HBP1: variants seen among roughly 807,000 people sequenced by gnomAD.
HBP1 encodes the protein HMG box-containing protein 1.
HBP1 carries 20 observed loss-of-function variants against 62.6 expected under a neutral mutation model. The observed-to-expected ratio is 0.32, with a 90% CI of 0.22 to 0.46. HBP1 has a LOEUF of 0.46. HBP1 is among the 20% of genes least tolerant of loss of function. The pLI is 1.00. For synonymous variants in HBP1, 232 were observed against 206.2 expected, an observed-to-expected ratio of 1.12 and a Z score of -1.07; for missense variants, 480 against 611.8, an observed-to-expected ratio of 0.78 and a Z score of 2.27.
intron 6 of HBP1, 91 bp downstream of exon 6, chr7:107,186,772 T>C: frequency 2.7e-6 from 2 of 748,716 alleles, no homozygotes; most frequent in Admixed American, 4.7e-5. Context: ...CCATTCACTT[T>C]GATATTTAAA....
intron 9 of HBP1, chr7:107,197,032 T>C (rs537013170): frequency 6.6e-6 from 1 of 152,330 alleles, no homozygotes; most frequent in African/African-American, 2.4e-5. Context: ...AACTGGCAAT[T>C]TGTAGCAAGC....
In HBP1 at chr7:107,202,229, GTCA is replaced by G. The variant is rs1374462186; in HGVS notation, c.*803_*805del. 8.0e-5 allele frequency: 12 copies of G among 149,596 alleles called. No homozygotes were observed. Among genetic ancestry groups the G allele is most frequent in the African/African-American group, 2.7e-4 (11 of 41,340 alleles). 9.3% of individuals were successfully genotyped at this position (149,596 alleles called of 1,614,324 possible). A position where few individuals can be genotyped will look rare whatever the true frequency, so the allele number is the denominator to read the frequency against. ...CAGCCATGTATCTTAAATATATTTT[GTCA>G]TCATAATCTTTATGGTGGGGGCAGA... On this transcript the variant is annotated 3_prime_UTR_variant, in exon 11 of 11. Transcript: ENST00000222574.
chr7:107,189,943 T>C (rs1797568914), intron 7 of HBP1: 1 of 382,930 alleles, frequency 2.6e-6, no homozygotes, highest in African/African-American at 2.1e-5. Context: ...ATAGAGGAGC[T>C]CTATATATAA....
chr7:107,172,691 T>A (rs1289044193), intron 1 of HBP1, among the ~76,000 whole-genome samples: 1 of 152,200 alleles, frequency 6.6e-6, no homozygotes, highest in Non-Finnish European at 1.5e-5. Flanking sequence ...GTCTGTGGGA[T>A]GTAATATCTT....
At position 107,201,579 on chromosome 7, in the gene HBP1, T is replaced by C; in HGVS notation, c.*148T>C. The C allele has an allele frequency of 4.3e-6, 2 of 466,662 alleles. No individual in the cohort carries two copies. The highest frequency in any genetic ancestry group is 7.9e-6 in the Non-Finnish European group (2 of 253,546). The allele number at this position is 466,662 out of a possible 1,614,324, so 28.9% of individuals were successfully genotyped here. A position where few individuals can be genotyped will look rare whatever the true frequency, so the allele number is the denominator to read the frequency against. ...ATTGAGTCTTGAAATGATTTAATAA[T>C]ATGAGTGAGGATTTGCTTTCTCCAT... On this transcript the variant is annotated 3_prime_UTR_variant, in exon 11 of 11. Coordinates refer to ENST00000222574, the MANE Select transcript of HBP1 (RefSeq NM_012257.4).
chr7:107,201,380 T>TAAAC (rs748994897), intron 10 of HBP1, 34 bp from the exon 11 acceptor site: 14 of 1,436,480 alleles, frequency 9.7e-6, no homozygotes, highest in Non-Finnish European at 1.3e-5. Flanking sequence ...TATTGATTTG[T>TAAAC]AAACATTCAC....
chr7:107,183,382 T>C (rs546820673), intron 3 of HBP1, among the ~76,000 whole-genome samples: 6 of 152,332 alleles, frequency 3.9e-5, no homozygotes, highest in East Asian at 3.9e-4. Flanking sequence ...AATAAACTTA[T>C]TAGGTATGAA....
At chr7:107,194,809 G>A (rs1797811993) in intron 8 of HBP1, among the ~76,000 whole-genome samples, 1 of 152,238 alleles carries the variant, frequency 6.6e-6, no homozygotes, top group South Asian at 2.1e-4. Flanking sequence ...TAGGCAGAAA[G>A]AGAGTTAATG....
Position 107,169,702 on chromosome 7 carries a change from C to G in HBP1, c.-16+517C>G, listed in dbSNP as rs1796457658. 13 of 979,212 alleles carry G rather than the reference C, an allele frequency of 1.3e-5. No individual in the cohort carries two copies. The South Asian group carries it at 3.8e-4, about 28-fold the overall frequency. The allele number at this position is 979,212 out of a possible 1,614,324, so 60.7% of individuals were successfully genotyped here. Reference sequence around the variant, plus strand: ...AGGAGCTCGCGGAGCCGCTGGGCCCCGGGGCTCATTGTTACGCAGTTCGAA... The same window carrying G: ...AGGAGCTCGCGGAGCCGCTGGGCCCGGGGGCTCATTGTTACGCAGTTCGAA... On this transcript the variant is annotated intron_variant, in intron 1 of 10. Transcript: ENST00000222574.
chr7:107,195,254 T>C (rs1213263429), intron 8 of HBP1, among the ~76,000 whole-genome samples: 1 of 152,202 alleles, frequency 6.6e-6, no homozygotes, highest in Non-Finnish European at 1.5e-5. Flanking sequence ...ACTCCTGACC[T>C]CAGGTGATCC....
chr7:107,188,417 C>T (rs1044692017), intron 6 of HBP1, among the ~76,000 whole-genome samples: 1 of 152,026 alleles, frequency 6.6e-6, no homozygotes, highest in Non-Finnish European at 1.5e-5. Flanking sequence ...TCATTTGATT[C>T]TAATTCTGTA....
At chr7:107,198,990 G>GTT (rs1798065375) in intron 9 of HBP1, among the ~76,000 whole-genome samples, 1 of 151,834 alleles carries the variant, frequency 6.6e-6, no homozygotes, top group Admixed American at 6.6e-5. Context: ...TTATTGATTT[G>GTT]TTTAAATGTG....
chr7:107,183,212 C>A (rs1797192635), intron 3 of HBP1, among the ~76,000 whole-genome samples: 1 of 152,104 alleles, frequency 6.6e-6, no homozygotes, highest in Non-Finnish European at 1.5e-5. Context: ...CATTATTTAT[C>A]CCTGAAAAGA....
At chr7:107,169,876 G>T (rs933601024) in intron 1 of HBP1, 13 of 985,564 alleles carry the variant, frequency 1.3e-5, no homozygotes, top group Non-Finnish European at 1.6e-5. Context: ...CGTGAACCGG[G>T]AGGCACCGCT....
chr7:107,190,270 C>G lies in HBP1; in HGVS notation c.1020C>G (p.Pro340=), dbSNP rs777440206. 6.2e-7 allele frequency: 1 copy of G among 1,610,340 alleles called. No individual in the cohort carries two copies. The highest frequency in any genetic ancestry group is 8.5e-7 in the Non-Finnish European group (1 of 1,177,182). Reference sequence around the variant, plus strand: ...ATGTATGTCTACCTCCTGGACACCCCGATGCCATTAATTTTGATGATTCAG... The same window carrying G: ...ATGTATGTCTACCTCCTGGACACCCGGATGCCATTAATTTTGATGATTCAG... ...IGDVCLPPGH[P]DAINFDDSGV... is the part of the protein sequence containing the mutation. The change falls in exon 8 of 11, where the codon CCC becomes CCG. Residue 340 remains proline, a synonymous_variant. Transcript: ENST00000222574.
At position 107,182,298 on chromosome 7, in the gene HBP1, T is replaced by G. The variant is rs189082132; in HGVS notation, c.170-75T>G. 573 of 778,810 alleles carry G rather than the reference T, an allele frequency of 7.4e-4. 2 individuals are homozygous for G. The African/African-American group carries it at 8.4e-3, about 11-fold the overall frequency. 48.2% of individuals were successfully genotyped at this position (778,810 alleles called of 1,614,324 possible). A position where few individuals can be genotyped will look rare whatever the true frequency, so the allele number is the denominator to read the frequency against. On this transcript the variant is annotated intron_variant, in intron 2 of 10. Transcript: ENST00000222574. ...AATTAGCTAAAATTGAGGACTTCTC[T>G]TTTAACTGCAGTTATAATATTGTTC...
chr7:107,182,391 A>G lies in HBP1; in HGVS notation c.188A>G (p.Gln63Arg). The stretch of plus-strand genomic sequence containing the variant: ...TTTGCAGATGACCTTCCTGAACTTC[A>G]GGCAGTTCAAAGTGATCCTACCCAA... ...HMELDDLPELQAVQSDPTQSG... is the reference protein window; with the variant it reads ...HMELDDLPELRAVQSDPTQSG... Residue 63 changes from glutamine to arginine, a missense_variant, in exon 3 of 11, where the codon CAG (glutamine) becomes CGG (arginine). Physicochemically the swap from Gln to Arg is conservative, Grantham distance 43 (BLOSUM62 1). This residue lies in a region of HBP1 where 304 missense variants were observed against 330.9 expected (regional missense o/e 0.92). Transcript: ENST00000222574. The G allele has an allele frequency of 6.2e-7, 1 of 1,603,374 alleles. No homozygotes were observed. The highest frequency in any genetic ancestry group is 8.5e-7 in the Non-Finnish European group (1 of 1,170,256).
intron 1 of HBP1, among the ~76,000 whole-genome samples, chr7:107,172,061 C>T (rs1258734449): frequency 6.6e-6 from 1 of 152,002 alleles, no homozygotes; most frequent in African/African-American, 2.4e-5. Flanking sequence ...GTAACATTCA[C>T]ATTTTTCATA....
chr7:107,173,048 A>G (rs1255453064), intron 1 of HBP1, among the ~76,000 whole-genome samples: 1 of 152,252 alleles, frequency 6.6e-6, no homozygotes, highest in Non-Finnish European at 1.5e-5. Context: ...GTGGCAAACT[A>G]GAGTTGTAGA....
Sources: allele counts gnomAD v4.1 joint callset (sites outside exome capture counted in the v4.1 genomes callset), GRCh38; gene constraint gnomAD v4.1.1; regional missense constraint gnomAD v4.1.1; transcripts MANE v1.5; gene names NCBI Gene and HGNC (gene_info 2026-07-23, HGNC 2026-07-21).